ZMYM1: variants seen among roughly 807,000 people sequenced by gnomAD.
ZMYM1 encodes the protein zinc finger MYM-type containing 1.
ZMYM1 carries 39 observed loss-of-function variants against 60.0 expected under a neutral mutation model. That is an observed-to-expected ratio of 0.65 (90% CI 0.50 to 0.85). ZMYM1 has a LOEUF of 0.85. Ranked by LOEUF, ZMYM1 falls within the 40% of genes least tolerant of loss-of-function variation. ZMYM1 has a pLI of 0.00. For synonymous variants in ZMYM1, 413 were observed against 454.0 expected, an observed-to-expected ratio of 0.91 and a Z score of 1.15; for missense variants, 1,171 against 1,309.5, an observed-to-expected ratio of 0.89 and a Z score of 1.63.
At chr1:35,066,442 C>G (rs1353556836) in intron 1 of ZMYM1, among the ~76,000 whole-genome samples, 1 of 152,176 alleles carries the variant, frequency 6.6e-6, no homozygotes, top group Admixed American at 6.6e-5. Flanking sequence ...AGGTGATCCA[C>G]CTGCTTGGGC....
intron 1 of ZMYM1, among the ~76,000 whole-genome samples, chr1:35,060,842 A>G (rs369683946): frequency 2.6e-5 from 4 of 152,130 alleles, no homozygotes; most frequent in South Asian, 2.1e-4. Flanking sequence ...TGACTGTCCT[A>G]TGAGAGAGGC....
At chr1:35,078,372 TATA>T (rs1004493019), upstream of ZMYM1, among the ~76,000 whole-genome samples, 1 of 152,050 alleles carries the variant, frequency 6.6e-6, no homozygotes, top group Non-Finnish European at 1.5e-5. Flanking sequence ...CAAATATGAT[TATA>T]ATAAGTTCAT....
intron 1 of ZMYM1, among the ~76,000 whole-genome samples, chr1:35,088,437 T>TATATAC (rs1642783895): frequency 2.1e-5 from 2 of 95,220 alleles, no homozygotes; most frequent in Non-Finnish European, 3.7e-5. Flanking sequence ...TTTATGTGTA[T>TATATAC]ATATATATAT....
At chr1:35,078,046 C>T (rs568170557), upstream of ZMYM1, among the ~76,000 whole-genome samples, 2 of 152,148 alleles carry the variant, frequency 1.3e-5, no homozygotes, top group African/African-American at 4.8e-5. Context: ...CCTTTATCCT[C>T]TTGCCTTCAG....
intron 1 of ZMYM1, among the ~76,000 whole-genome samples, chr1:35,061,353 T>G (rs532212195): frequency 6.6e-6 from 1 of 152,318 alleles, no homozygotes; most frequent in South Asian, 2.1e-4. Context: ...GGGGAGAATA[T>G]TAGGGGATTT....
At chr1:35,083,817 C>T (rs1642515996) in intron 1 of ZMYM1, among the ~76,000 whole-genome samples, 1 of 152,036 alleles carries the variant, frequency 6.6e-6, no homozygotes, top group Admixed American at 6.6e-5. Flanking sequence ...AGATGAGGGT[C>T]TCACTATGTC....
At chr1:35,107,779 T>C (rs946648068) in intron 6 of ZMYM1, among the ~76,000 whole-genome samples, 1 of 152,208 alleles carries the variant, frequency 6.6e-6, no homozygotes, top group South Asian at 2.1e-4. Context: ...TAAGTTAGCC[T>C]TCCCTTATGA....
downstream of ZMYM1, among the ~76,000 whole-genome samples, chr1:35,116,527 G>C (rs555193048): frequency 6.0e-4 from 91 of 152,196 alleles, 3 homozygotes; most frequent in East Asian, 0.017. Context: ...GTATGATCTC[G>C]GCTCACTGCA....
intron 1 of ZMYM1, among the ~76,000 whole-genome samples, chr1:35,061,278 C>G (rs1165321401): frequency 6.6e-6 from 1 of 152,164 alleles, no homozygotes; most frequent in African/African-American, 2.4e-5. Flanking sequence ...CACCATAACT[C>G]AACTTCAGCA....
chr1:35,108,907 A>C (rs1388121301), intron 6 of ZMYM1, among the ~76,000 whole-genome samples: 1 of 151,880 alleles, frequency 6.6e-6, no homozygotes, highest in Non-Finnish European at 1.5e-5. Context: ...GATGGGTCTC[A>C]CTTTGCTGCC....
At chr1:35,098,275 G>T (rs557898536) in intron 4 of ZMYM1, among the ~76,000 whole-genome samples, 16 of 152,022 alleles carry the variant, frequency 1.1e-4, no homozygotes, top group South Asian at 6.3e-4. Flanking sequence ...AAAATTGATG[G>T]CCATAGATAA....
chr1:35,101,352 G>A (rs1200803163), intron 4 of ZMYM1, among the ~76,000 whole-genome samples: 1 of 150,056 alleles, frequency 6.7e-6, no homozygotes, highest in Non-Finnish European at 1.5e-5. Flanking sequence ...TCAGGTATCT[G>A]CCTGCCCCAG....
rs1157596892 is a variant in ZMYM1, at chr1:35,060,879, G to T, written c.-301+954G>T. Among the ~76,000 whole-genome samples the T allele has an allele frequency of 3.9e-5, 6 of 152,218 alleles. No homozygotes were observed. The East Asian group carries it at 9.6e-4, about 24-fold the overall frequency. ...CAGAAGGAGACTGGCCCTGGTGCTT[G>T]AAACTCCTGTCCTAGCTCACACAGA... On this transcript the variant is annotated intron_variant, in intron 1 of 10. Coordinates refer to the ZMYM1 transcript ENST00000417119.
intron 6 of ZMYM1, among the ~76,000 whole-genome samples, chr1:35,108,722 T>TTA (rs1412247949): frequency 7.0e-4 from 105 of 149,168 alleles, no homozygotes; most frequent in African/African-American, 2.5e-3. Flanking sequence ...TTTTTTTTTT[T>TTA]TAGACTGAGT....
intron 1 of ZMYM1, among the ~76,000 whole-genome samples, chr1:35,079,809 T>C (rs1642273040): frequency 6.6e-6 from 1 of 152,130 alleles, no homozygotes; most frequent in Admixed American, 6.5e-5. Flanking sequence ...TGAGCAGTGA[T>C]TTTTCAAAAG....
At chr1:35,097,605 C>G (rs6658571) in intron 4 of ZMYM1, 39 bp downstream of exon 4, 1,348,207 of 1,604,270 alleles carry the variant, frequency 0.84, 582,748 homozygotes, top group Non-Finnish European at 0.9. Flanking sequence ...TATTTCCCTA[C>G]CTTGTTCTTG....
chr1:35,116,843 T>A (rs1396020161), downstream of ZMYM1, among the ~76,000 whole-genome samples: 4 of 132,066 alleles, frequency 3.0e-5, no homozygotes, highest in African/African-American at 1.1e-4. Flanking sequence ...GAATTTTTTT[T>A]TTTTTTTTTT....
intron 1 of ZMYM1, among the ~76,000 whole-genome samples, chr1:35,084,180 C>CT (rs934685708): frequency 0.048 from 6,786 of 142,602 alleles, 363 homozygotes; most frequent in African/African-American, 0.13. Context: ...TTCCATTTAA[C>CT]TTTTTTTTTT....
intron 1 of ZMYM1, among the ~76,000 whole-genome samples, chr1:35,084,569 G>A (rs971577743): frequency 6.6e-6 from 1 of 152,100 alleles, no homozygotes; most frequent in Non-Finnish European, 1.5e-5. Context: ...TCCTCCTGGG[G>A]CATAGCCATT....
Sources: gnomAD v4.1 joint callset for allele counts (sites outside exome capture counted in the v4.1 genomes callset) on GRCh38, gnomAD v4.1.1 for gene constraint, MANE v1.5 for transcripts, NCBI Gene and HGNC (gene_info 2026-07-23, HGNC 2026-07-21) for gene names.